Variants in SPTBN1 observed in about 807,000 individuals in gnomAD.
SPTBN1 encodes spectrin beta chain, non-erythrocytic 1.
A neutral mutation model predicts 266.4 loss-of-function variants in SPTBN1; 32 were observed. The ratio of observed to expected loss-of-function variants is 0.12; its 90% CI spans 0.09 to 0.16. SPTBN1 has a LOEUF of 0.16. SPTBN1 is among the 10% of genes least tolerant of loss of function. The pLI, the probability that SPTBN1 is intolerant of heterozygous loss-of-function variation, is 1.00. For missense variants in SPTBN1, 2,296 were observed against 3,067.1 expected (o/e 0.75, Z 5.94); for synonymous variants, 1,336 against 1,162.2 (o/e 1.15, Z -3.04).
rs528869019 is a variant in SPTBN1 at position 54,628,103 on chromosome 2, G to C, written c.1651G>C (p.Val551Leu). 2 of 1,612,114 alleles carry C rather than the reference G, an allele frequency of 1.2e-6. No homozygotes were observed. Among genetic ancestry groups the C allele is most frequent in the African/African-American group, 2.7e-5 (2 of 74,938 alleles). The part of the protein sequence containing the change: ...MDWMDEMKVL[V>L]LSQDYGKHLL... ...GGTTGCTTCTTGTGCACAGGTGCTA[G>C]TATTGTCTCAAGACTATGGCAAACA... Residue 551 changes from valine to leucine, a missense_variant, in exon 13 of 36, where the codon GTA (valine) becomes CTA (leucine). Physicochemically the swap from Val to Leu is conservative, Grantham distance 32 (BLOSUM62 1). Coordinates refer to ENST00000356805, the MANE Select transcript of SPTBN1 (RefSeq NM_003128.3). This position sits in a 1 kb window ranked among gnomAD's most constrained non-coding sequence, Gnocchi z 4.3.
At chr2:54,555,957 G>T (rs1230199631) in intron 2 of SPTBN1, among the ~76,000 whole-genome samples, 1 of 152,138 alleles carries the variant, frequency 6.6e-6, no homozygotes, top group Non-Finnish European at 1.5e-5. Context: ...TCCTCCCCTG[G>T]CCCTTACTAT....
At chr2:54,561,984 A>C (rs1467491162) in intron 2 of SPTBN1, among the ~76,000 whole-genome samples, 2 of 151,788 alleles carry the variant, frequency 1.3e-5, no homozygotes, top group East Asian at 3.8e-4. Flanking sequence ...AGCATTCACC[A>C]CCAACACCCA....
intron 17 of SPTBN1, among the ~76,000 whole-genome samples, chr2:54,635,669 A>G (rs1679073152): frequency 6.6e-6 from 1 of 152,210 alleles, no homozygotes; most frequent in Non-Finnish European, 1.5e-5. Context: ...GTTAATTTCC[A>G]GTATCTGGGA....
At chr2:54,630,616 A>G (rs1043959097) in intron 15 of SPTBN1, among the ~76,000 whole-genome samples, 1 of 152,208 alleles carries the variant, frequency 6.6e-6, no homozygotes, top group Non-Finnish European at 1.5e-5. Context: ...CTCACATTGG[A>G]GCTCTGTAAC....
At chr2:54,501,852 A>G (rs1004271530) in intron 1 of SPTBN1, among the ~76,000 whole-genome samples, 1 of 152,220 alleles carries the variant, frequency 6.6e-6, no homozygotes, top group African/African-American at 2.4e-5. Context: ...AGTGGGAGCT[A>G]GAATATGGAG....
chr2:54,593,156 T>C (rs914297262), intron 2 of SPTBN1, among the ~76,000 whole-genome samples: 1 of 152,174 alleles, frequency 6.6e-6, no homozygotes, highest in African/African-American at 2.4e-5. Context: ...GTAGTTCTCA[T>C]TGACAGTAGT....
chr2:54,521,047 C>T (rs1303987802), intron 1 of SPTBN1, among the ~76,000 whole-genome samples: 2 of 152,212 alleles, frequency 1.3e-5, no homozygotes, highest in East Asian at 1.9e-4. Context: ...TCACAGCCCA[C>T]GGGAGGCATG....
chr2:54,528,193 TC>T, intron 2 of SPTBN1: 1 of 152,664 alleles, frequency 6.6e-6, no homozygotes, highest in East Asian at 1.9e-4. Flanking sequence ...CACCTCTTTT[TC>T]TTGTATTTTC....
At position 54,649,323 on chromosome 2, in the gene SPTBN1, T is replaced by C; in HGVS notation, c.5202+133T>C. On this transcript the variant is annotated intron_variant, in intron 25 of 35. Coordinates refer to ENST00000356805, the MANE Select transcript of SPTBN1 (RefSeq NM_003128.3). The surrounding 1 kb of genome is among the most constrained non-coding windows in gnomAD (Gnocchi z 6.7). ...GAGGTCTTGGGGTTTAGTTTTAAGG[T>C]GGTGTTTCTTTTATAAGCTGGTGAC... The C allele has an allele frequency of 9.1e-7, 1 of 1,100,748 alleles. No homozygotes were observed. The highest frequency in any genetic ancestry group is 1.3e-6 in the Non-Finnish European group (1 of 789,090). The allele number at this position is 1,100,748 out of a possible 1,614,324, so 68.2% of individuals were successfully genotyped here. A position where few individuals can be genotyped will look rare whatever the true frequency, so the allele number is the denominator to read the frequency against.
intron 2 of SPTBN1, among the ~76,000 whole-genome samples, chr2:54,569,177 A>G (rs1210205585): frequency 2.6e-5 from 4 of 152,166 alleles, no homozygotes; most frequent in African/African-American, 9.7e-5. Flanking sequence ...GAAGAAAGGA[A>G]CGGGGTGGGG....
At chr2:54,535,361 C>T (rs886929811) in intron 2 of SPTBN1, among the ~76,000 whole-genome samples, 1 of 152,188 alleles carries the variant, frequency 6.6e-6, no homozygotes, top group African/African-American at 2.4e-5. Context: ...ATTTTTATTA[C>T]TTCCCAAAGA....
chr2:54,458,023 G>T (rs1365047546), intron 1 of SPTBN1, among the ~76,000 whole-genome samples: 1 of 152,250 alleles, frequency 6.6e-6, no homozygotes. Context: ...ATGTTGCAGT[G>T]TGGGGAGTCG....
chr2:54,558,594 C>T lies in SPTBN1; in HGVS notation c.148+32028C>T. The T allele has an allele frequency of 2.2e-6, 3 of 1,378,196 alleles. No individual in the cohort carries two copies. The highest frequency in any genetic ancestry group is 2.8e-6 in the Non-Finnish European group (3 of 1,062,966). The allele number at this position is 1,378,196 out of a possible 1,614,324, so 85.4% of individuals were successfully genotyped here. ...TAGATGCCTGTGTGGTAACTCCTCG[C>T]GGAGCTAAGGTGGACTCTCTTGCAG... On this transcript the variant is annotated intron_variant, in intron 2 of 35. Coordinates refer to ENST00000356805, the MANE Select transcript of SPTBN1 (RefSeq NM_003128.3). The surrounding 1 kb of genome is among the most constrained non-coding windows in gnomAD (Gnocchi z 4.6).
At chr2:54,475,063 G>A (rs547252431) in intron 1 of SPTBN1, among the ~76,000 whole-genome samples, 2 of 152,062 alleles carry the variant, frequency 1.3e-5, no homozygotes, top group African/African-American at 4.8e-5. Flanking sequence ...AAAATTAGCC[G>A]GGCGTGGTGG....
At position 54,658,055 on chromosome 2, in the gene SPTBN1, C is replaced by T; in HGVS notation, c.6243+9C>T. 3.1e-6 allele frequency: 5 copies of T among 1,614,152 alleles called. No individual in the cohort carries two copies. The highest frequency in any genetic ancestry group is 4.2e-6 in the Non-Finnish European group (5 of 1,180,002). On this transcript the variant is annotated intron_variant, in intron 30 of 35. Transcript: ENST00000356805. Reference sequence around the variant, plus strand: ...TGGAAAGGCTGACTACAGTAAGTGGCCGCTGGGCCCTTTGTCTGTTGGTGC... The same window carrying T: ...TGGAAAGGCTGACTACAGTAAGTGGTCGCTGGGCCCTTTGTCTGTTGGTGC...
intron 29 of SPTBN1, among the ~76,000 whole-genome samples, chr2:54,657,031 A>G (rs765338176): frequency 8.5e-5 from 13 of 152,214 alleles, no homozygotes; most frequent in African/African-American, 1.7e-4. Flanking sequence ...TGGGACACCA[A>G]CGCTGCCCAC....
intron 2 of SPTBN1, chr2:54,545,306 G>A (rs1408051822): frequency 6.6e-6 from 1 of 152,120 alleles, no homozygotes; most frequent in Non-Finnish European, 1.5e-5. Flanking sequence ...TACTGTTGGT[G>A]GGAGTGTAAA....
chr2:54,595,438 C>T lies in SPTBN1; in HGVS notation c.149-3654C>T, dbSNP rs1208683170. On this transcript the variant is annotated intron_variant, in intron 2 of 35. Coordinates refer to ENST00000356805, the MANE Select transcript of SPTBN1 (RefSeq NM_003128.3). ...AACCTACTGAAAGGTTTAGCTGCGT[C>T]AGCTTCTTGGGGAGGACTTGATAAC... Among the ~76,000 whole-genome samples, 4 of 152,224 alleles carry T rather than the reference C, an allele frequency of 2.6e-5. No individual in the cohort carries two copies. The East Asian group carries it at 7.7e-4, about 29-fold the overall frequency.
intron 1 of SPTBN1, among the ~76,000 whole-genome samples, chr2:54,491,992 T>A (rs1668710067): frequency 6.6e-6 from 1 of 152,226 alleles, no homozygotes; most frequent in Admixed American, 6.5e-5. Context: ...CAAATTTTGT[T>A]CTTTAGATGT....
Sources: allele counts gnomAD v4.1 joint callset (sites outside exome capture counted in the v4.1 genomes callset), GRCh38; gene constraint gnomAD v4.1.1; non-coding constraint Gnocchi (gnomAD v3.1); transcripts MANE v1.5; gene names NCBI Gene and HGNC (gene_info 2026-07-23, HGNC 2026-07-21).